Variants in TMEM132D observed in about 807,000 individuals in gnomAD.
The protein encoded by TMEM132D is transmembrane protein 132D.
In TMEM132D, 21 loss-of-function variants were observed where a neutral mutation model predicts 62.3. The observed-to-expected ratio is 0.34, with a 90% CI of 0.24 to 0.49. TMEM132D has a LOEUF of 0.49. Among genes scored for constraint, TMEM132D ranks in the 20% least tolerant of loss-of-function variants. TMEM132D has a pLI of 0.99. For missense variants in TMEM132D, 1,346 were observed against 1,402.8 expected (o/e 0.96, Z 0.65); for synonymous variants, 621 against 575.6 (o/e 1.08, Z -1.13).
At chr12:129,298,204 A>G (rs532181212) in intron 4 of TMEM132D, among the ~76,000 whole-genome samples, 4 of 152,252 alleles carry the variant, frequency 2.6e-5, no homozygotes, top group East Asian at 1.9e-4. Context: ...AAAATGATCA[A>G]TGTCTATCAT....
At chr12:129,431,963 G>T (rs1372352683) in intron 3 of TMEM132D, among the ~76,000 whole-genome samples, 1 of 152,174 alleles carries the variant, frequency 6.6e-6, no homozygotes, top group Non-Finnish European at 1.5e-5. Flanking sequence ...AAATCTTTTA[G>T]ATCTCTGCTC....
intron 1 of TMEM132D, among the ~76,000 whole-genome samples, chr12:129,860,940 C>T (rs772904327): frequency 1.2e-4 from 19 of 152,120 alleles, no homozygotes; most frequent in Non-Finnish European, 1.9e-4. Flanking sequence ...CACCTAGTCC[C>T]GCCCATGACA....
chr12:129,312,690 C>T (rs1225468765), intron 4 of TMEM132D, among the ~76,000 whole-genome samples: 1 of 152,182 alleles, frequency 6.6e-6, no homozygotes, highest in African/African-American at 2.4e-5. Flanking sequence ...CCTGCATCAG[C>T]CTCCTGAGTA....
intron 4 of TMEM132D, among the ~76,000 whole-genome samples, chr12:129,300,343 T>C (rs1483232865): frequency 6.6e-6 from 1 of 152,156 alleles, no homozygotes; most frequent in African/African-American, 2.4e-5. Flanking sequence ...ATCAATCTAT[T>C]GAGATAAAAA....
intron 1 of TMEM132D, among the ~76,000 whole-genome samples, chr12:129,825,073 G>T (rs1487318692): frequency 1.3e-5 from 2 of 151,028 alleles, no homozygotes; most frequent in Non-Finnish European, 2.9e-5. Flanking sequence ...GAGTACAGTG[G>T]CATGATCTCA....
At chr12:129,245,737 C>T (rs544999038) in intron 4 of TMEM132D, among the ~76,000 whole-genome samples, 9 of 152,024 alleles carry the variant, frequency 5.9e-5, no homozygotes, top group Admixed American at 2.6e-4. Flanking sequence ...GGAAATCAGA[C>T]GGTAGAGAAA....
At chr12:129,286,832 G>A (rs1175260303) in intron 4 of TMEM132D, among the ~76,000 whole-genome samples, 1 of 152,192 alleles carries the variant, frequency 6.6e-6, no homozygotes, top group African/African-American at 2.4e-5. Flanking sequence ...TGGATGGCTT[G>A]AGGCTGGGAG....
At chr12:129,877,688 T>C (rs952733310) in intron 1 of TMEM132D, among the ~76,000 whole-genome samples, 1 of 152,116 alleles carries the variant, frequency 6.6e-6, no homozygotes, top group Non-Finnish European at 1.5e-5. Flanking sequence ...GCAGCCTCTC[T>C]AGAGAGCTCT....
intron 5 of TMEM132D, among the ~76,000 whole-genome samples, chr12:129,185,685 T>C (rs894672933): frequency 2.0e-5 from 3 of 152,312 alleles, no homozygotes; most frequent in Non-Finnish European, 4.4e-5. Flanking sequence ...TAAAGTTTTA[T>C]GTCCATATCT....
intron 2 of TMEM132D, among the ~76,000 whole-genome samples, chr12:129,649,646 T>C (rs749116997): frequency 6.6e-6 from 1 of 152,108 alleles, no homozygotes; most frequent in Non-Finnish European, 1.5e-5. Context: ...AATATATTCA[T>C]ATATATGTAA....
chr12:129,391,100 T>C (rs910460978), intron 3 of TMEM132D, among the ~76,000 whole-genome samples: 3 of 152,226 alleles, frequency 2.0e-5, no homozygotes, highest in African/African-American at 7.2e-5. Context: ...CCTCCCTTGT[T>C]CTAAGTCATT....
chr12:129,863,925 G>A (rs915506822), intron 1 of TMEM132D, among the ~76,000 whole-genome samples: 1 of 152,166 alleles, frequency 6.6e-6, no homozygotes, highest in Non-Finnish European at 1.5e-5. Context: ...TTAGGGATAT[G>A]GTGGGTTTTA....
chr12:129,403,300 G>A (rs910089542), intron 3 of TMEM132D, among the ~76,000 whole-genome samples: 2 of 146,502 alleles, frequency 1.4e-5, no homozygotes, highest in South Asian at 2.3e-4. Flanking sequence ...ACTGGCTTTC[G>A]AAAATACTCC....
intron 3 of TMEM132D, among the ~76,000 whole-genome samples, chr12:129,379,679 A>G (rs990667827): frequency 1.3e-5 from 2 of 152,170 alleles, no homozygotes; most frequent in African/African-American, 4.8e-5. Context: ...CTGCAAGGAA[A>G]CTTTCAGGGA....
intron 1 of TMEM132D, among the ~76,000 whole-genome samples, chr12:129,795,102 A>C (rs1482853991): frequency 6.6e-6 from 1 of 152,236 alleles, no homozygotes; most frequent in Non-Finnish European, 1.5e-5. Context: ...TCTTTACACT[A>C]AAAACCTCCT....
intron 1 of TMEM132D, among the ~76,000 whole-genome samples, chr12:129,875,278 T>C (rs1874378773): frequency 6.6e-6 from 1 of 152,214 alleles, no homozygotes; most frequent in African/African-American, 2.4e-5. Flanking sequence ...ACACTGGCCC[T>C]AGAAAGCGCT....
chr12:129,272,348 A>G (rs752384092), intron 4 of TMEM132D, among the ~76,000 whole-genome samples: 1 of 151,828 alleles, frequency 6.6e-6, no homozygotes, highest in Non-Finnish European at 1.5e-5. Context: ...GAACCAAGCC[A>G]TCAGTAAGTC....
chr12:129,667,702 C>G (rs539326310), intron 2 of TMEM132D, among the ~76,000 whole-genome samples: 1 of 151,768 alleles, frequency 6.6e-6, no homozygotes, highest in East Asian at 1.9e-4. Flanking sequence ...ATTTTTCTAA[C>G]CTAAAGTCCA....
Position 129,442,648 on chromosome 12 carries a change from G to A in TMEM132D, c.1115+88411C>T, listed in dbSNP as rs567478353. Among the ~76,000 whole-genome samples the A allele has an allele frequency of 5.9e-5, 9 of 152,124 alleles. 1 individual carries two copies. In the South Asian group the frequency reaches 1.5e-3, roughly 25 times the overall value. On this transcript the variant is annotated intron_variant, in intron 3 of 8. Transcript: ENST00000422113. Reference sequence around the variant, plus strand: ...TCATCTAGTGGGATGTGCTAGAAGCGGTTATAGTCTCAAAGCTCAGCAAAA... The same window carrying A: ...TCATCTAGTGGGATGTGCTAGAAGCAGTTATAGTCTCAAAGCTCAGCAAAA...
Sources: gnomAD v4.1 joint callset for allele counts (sites outside exome capture counted in the v4.1 genomes callset) on GRCh38, gnomAD v4.1.1 for gene constraint, MANE v1.5 for transcripts, NCBI Gene and HGNC (gene_info 2026-07-23, HGNC 2026-07-21) for gene names.